The following USP10 variants were observed in gnomAD, a reference collection of about 807,000 sequenced individuals.
USP10 encodes the protein ubiquitin specific peptidase 10.
USP10 carries 22 observed loss-of-function variants against 84.5 expected under a neutral mutation model. The observed-to-expected ratio is 0.26, with a 90% confidence interval of 0.19 to 0.37. USP10 has a LOEUF of 0.37. Ranked by LOEUF, USP10 falls within the 10% of genes least tolerant of loss-of-function variation. The pLI is 1.00. For synonymous variants in USP10, 454 were observed against 387.6 expected (o/e 1.17, Z -2.01); for missense variants, 1,019 against 998.9 (o/e 1.02, Z -0.27).
At chr16:84,742,860 A>C (rs1207948832) in intron 3 of USP10, among the ~76,000 whole-genome samples, 1 of 152,260 alleles carries the variant, frequency 6.6e-6, no homozygotes, top group Non-Finnish European at 1.5e-5. Flanking sequence ...TGTTCACGTT[A>C]CATCACATTC....
intron 11 of USP10, 97 bp from the exon 12 acceptor site, chr16:84,772,444 C>T: frequency 1.9e-6 from 3 of 1,546,192 alleles, no homozygotes; most frequent in Non-Finnish European, 2.6e-6. Flanking sequence ...TCTTGGGCCT[C>T]ACCTCTCAGA....
intron 1 of USP10, among the ~76,000 whole-genome samples, chr16:84,731,016 T>G (rs1241022665): frequency 6.8e-6 from 1 of 147,122 alleles, no homozygotes; most frequent in African/African-American, 2.5e-5. Context: ...AATCTCTCTC[T>G]GTCAGCAGGC....
At chr16:84,749,253 AATTCCCTTT>A (rs771514873) in intron 4 of USP10, among the ~76,000 whole-genome samples, 29 of 152,198 alleles carry the variant, frequency 1.9e-4, no homozygotes, top group Non-Finnish European at 3.7e-4. Context: ...CACTACCACA[AATTCCCTTT>A]AGTGGGCACA....
rs182406396 is a variant in USP10, at chr16:84,739,217, C to G, written c.91-1092C>G. Among the ~76,000 whole-genome samples the G allele has an allele frequency of 3.0e-4, 45 of 151,500 alleles. No individual in the cohort carries two copies. In the East Asian group the frequency reaches 8.0e-3, roughly 27 times the overall value. On this transcript the variant is annotated intron_variant, in intron 2 of 13. Transcript: ENST00000219473. Reference sequence around the variant, plus strand: ...GGGACTACAGGCACCCACCACCATGCCCGGCTAATTTTTTGTATTTTTTAG... The same window carrying G: ...GGGACTACAGGCACCCACCACCATGGCCGGCTAATTTTTTGTATTTTTTAG...
chr16:84,745,870 CTT>C (rs1911170554), intron 4 of USP10, among the ~76,000 whole-genome samples, 197 bp downstream of exon 4: 1 of 152,182 alleles, frequency 6.6e-6, no homozygotes, highest in South Asian at 2.1e-4. Context: ...GTTGTCGTAA[CTT>C]TATGTTAAGT....
intron 1 of USP10, among the ~76,000 whole-genome samples, chr16:84,716,795 C>T (rs963018171): frequency 2.6e-5 from 4 of 152,222 alleles, no homozygotes; most frequent in African/African-American, 9.6e-5. Context: ...CCTTTATATA[C>T]ACCTTACAAT....
At chr16:84,767,165 C>T (rs566225419) in intron 10 of USP10, among the ~76,000 whole-genome samples, 1 of 152,256 alleles carries the variant, frequency 6.6e-6, no homozygotes, top group African/African-American at 2.4e-5. Context: ...TTCACCGCAT[C>T]TGTTCTGGAA....
rs7203000 is a variant in USP10, at chr16:84,758,880, C to T, written c.1284+73C>T. 1,069 of 1,108,268 alleles carry T rather than the reference C, an allele frequency of 9.6e-4. 2 individuals carry two copies. Among genetic ancestry groups the T allele is most frequent in the Non-Finnish European group, 1.3e-3 (962 of 722,628 alleles). The allele number at this position is 1,108,268 out of a possible 1,614,324, so 68.7% of individuals were successfully genotyped here. A position where few individuals can be genotyped will look rare whatever the true frequency, so the allele number is the denominator to read the frequency against. On this transcript the variant is annotated intron_variant, in intron 5 of 13. Coordinates refer to ENST00000219473, the MANE Select transcript of USP10 (RefSeq NM_005153.3). Reference sequence around the variant, plus strand: ...CCTCCTTTGGGTGCATGTGACTTAGCTCAGCTTCCGTGGGCCATCTAGCTC... The same window carrying T: ...CCTCCTTTGGGTGCATGTGACTTAGTTCAGCTTCCGTGGGCCATCTAGCTC...
chr16:84,731,672 A>G (rs1909253921), intron 1 of USP10, among the ~76,000 whole-genome samples: 1 of 152,094 alleles, frequency 6.6e-6, no homozygotes. Flanking sequence ...TGCCTTCCAT[A>G]GCCTTGTTGA....
At chr16:84,770,099 C>G (rs569358825) in intron 11 of USP10, among the ~76,000 whole-genome samples, 19 of 152,128 alleles carry the variant, frequency 1.2e-4, no homozygotes, top group African/African-American at 4.6e-4. Flanking sequence ...ATAGTGAAAC[C>G]GTGTCTCTAA....
chr16:84,758,963 A>G (rs148044417), intron 5 of USP10, among the ~76,000 whole-genome samples, 156 bp downstream of exon 5: 11 of 152,370 alleles, frequency 7.2e-5, no homozygotes, highest in African/African-American at 2.2e-4. Context: ...GCTTATAAAC[A>G]GGATTATTCC....
chr16:84,760,132 C>A, intron 7 of USP10, 40 bp from the exon 8 acceptor site: 1 of 1,570,286 alleles, frequency 6.4e-7, no homozygotes, highest in South Asian at 1.1e-5. Context: ...TTTATGAGTT[C>A]ATTGTAGTTA....
rs1352016608 is a variant in USP10 at position 84,759,152 on chromosome 16, CGACT to C, written c.1285-205_1285-202del. ...GTTAGGTCAAGTTCTTGAATACAAACGACTGACTGCTTCGTAGATCCTTATATGG... is the reference window on the plus strand; with the variant it reads ...GTTAGGTCAAGTTCTTGAATACAAACGACTGCTTCGTAGATCCTTATATGG... On this transcript the variant is annotated intron_variant, in intron 5 of 13. Transcript: ENST00000219473. The C allele has an allele frequency of 5.0e-6, 3 of 601,034 alleles. No homozygotes were observed. The East Asian group carries it at 8.3e-5, about 17-fold the overall frequency. 37.2% of individuals were successfully genotyped at this position (601,034 alleles called of 1,614,324 possible).
rs1374536178 is a variant in USP10 at position 84,764,244 on chromosome 16, A to G, written c.1813A>G (p.Ile605Val). 2 of 1,614,002 alleles carry G rather than the reference A, an allele frequency of 1.2e-6. No individual in the cohort carries two copies. The highest frequency in any genetic ancestry group is 1.7e-6 in the Non-Finnish European group (2 of 1,179,882). Residue 605 changes from isoleucine (I) to valine (V), a missense_variant, in exon 10 of 14, where the codon ATT (isoleucine) becomes GTT (valine). Transcript: ENST00000219473. ...ADFVQTPITG[I>V]FGGHIRSVVY... ...TTTTGTTCAGACTCCAATCACCGGC[A>G]TTTTTGGTGGACACATCAGGTTTGT...
intron 1 of USP10, chr16:84,716,256 T>C (rs1650053814): frequency 6.6e-6 from 1 of 152,244 alleles, no homozygotes; most frequent in African/African-American, 2.4e-5. Flanking sequence ...TGGCAAATCA[T>C]CTGTACTATC....
At chr16:84,773,401 G>A (rs988851111) in intron 12 of USP10, among the ~76,000 whole-genome samples, 2 of 152,148 alleles carry the variant, frequency 1.3e-5, no homozygotes, top group South Asian at 2.1e-4. Flanking sequence ...AACCTGAACC[G>A]AGAGTCCTCT....
chr16:84,729,591 C>G (rs1181791944), intron 1 of USP10, among the ~76,000 whole-genome samples: 1 of 152,208 alleles, frequency 6.6e-6, no homozygotes, highest in Non-Finnish European at 1.5e-5. Flanking sequence ...GGAGGCTGAG[C>G]GCCTTGCAGA....
rs116566572 is a variant in USP10 at position 84,708,551 on chromosome 16, T to A, written c.21+8440T>A. Among the ~76,000 whole-genome samples the A allele has an allele frequency of 2.3e-3, 358 of 152,362 alleles. 2 individuals carry two copies. Among genetic ancestry groups the A allele is most frequent in the African/African-American group, 8.0e-3 (331 of 41,586 alleles). Reference sequence around the variant, plus strand: ...GACAAACTTTTTATTAGTTGGAGATTGGTAAGTCACCTGCCCTAGGGAATA... The same window carrying A: ...GACAAACTTTTTATTAGTTGGAGATAGGTAAGTCACCTGCCCTAGGGAATA... On this transcript the variant is annotated intron_variant, in intron 1 of 13. Transcript: ENST00000219473.
At chr16:84,718,183 C>G (rs1597291747) in intron 1 of USP10, among the ~76,000 whole-genome samples, 1 of 152,242 alleles carries the variant, frequency 6.6e-6, no homozygotes, top group African/African-American at 2.4e-5. Context: ...GAATTAAAAG[C>G]AAATGAGAGA....
Sources: allele counts gnomAD v4.1 joint callset (sites outside exome capture counted in the v4.1 genomes callset), GRCh38; gene constraint gnomAD v4.1.1; transcripts MANE v1.5; gene names NCBI Gene and HGNC (gene_info 2026-07-23, HGNC 2026-07-21).